ZNF397: variants seen among roughly 807,000 people sequenced by gnomAD.
ZNF397 encodes zinc finger protein 397, also known as zinc finger and SCAN domain-containing protein 15.
ZNF397 carries 38 observed loss-of-function variants against 50.6 expected under a neutral mutation model. That is an observed-to-expected ratio of 0.75 (90% confidence interval 0.58 to 0.98). ZNF397 has a LOEUF of 0.98. Ranked by LOEUF, ZNF397 falls within the 50% of genes least tolerant of loss-of-function variation. The probability of loss-of-function intolerance (pLI) is 0.00; values close to 1 mark genes in which losing one functional copy is unlikely to be tolerated. For missense variants in ZNF397, 624 were observed against 624.1 expected, an observed-to-expected ratio of 1.00 and a Z score of 0.00; for synonymous variants, 228 against 215.2, an observed-to-expected ratio of 1.06 and a Z score of -0.52.
chr18:35,246,616 T>TA lies in ZNF397; in HGVS notation c.*307dup, dbSNP rs1438181649. ...ATTTTGTATGAAAGTGTCATGAATATAGCAACCCAGGCTCTGTCACTGCAT... is the reference window on the plus strand; with the variant it reads ...ATTTTGTATGAAAGTGTCATGAATATAAGCAACCCAGGCTCTGTCACTGCAT... On this transcript the variant is annotated 3_prime_UTR_variant, in exon 4 of 4. Coordinates refer to ENST00000330501, the MANE Select transcript of ZNF397 (RefSeq NM_001135178.3). 9.1e-7 allele frequency: 1 copy of TA among 1,104,370 alleles called. No homozygotes were observed. Among genetic ancestry groups the TA allele is most frequent in the Admixed American group, 4.7e-5 (1 of 21,358 alleles). The allele number at this position is 1,104,370 out of a possible 1,614,324, so 68.4% of individuals were successfully genotyped here. A position where few individuals can be genotyped will look rare whatever the true frequency, so the allele number is the denominator to read the frequency against.
intron 1 of ZNF397, 83 bp from the exon 2 acceptor site, chr18:35,242,308 T>C (rs1036709973): frequency 9.7e-6 from 6 of 620,812 alleles, no homozygotes; most frequent in Non-Finnish European, 1.6e-5. Flanking sequence ...TTCAATATAT[T>C]ACTAAAGTTA....
downstream of ZNF397, chr18:35,253,686 C>G: frequency 1.2e-6 from 2 of 1,614,122 alleles, no homozygotes; most frequent in South Asian, 2.2e-5. Flanking sequence ...TTACCACATG[C>G]AATACATTCA....
At chr18:35,253,354 G>A, downstream of ZNF397, 1 of 976,924 alleles carries the variant, frequency 1.0e-6, no homozygotes, top group East Asian at 2.5e-5. Context: ...GGGAAGGACA[G>A]AAGTTCTGCT....
At chr18:35,255,613 G>A (rs1414418241) in intron 5 of ZNF397, among the ~76,000 whole-genome samples, 1 of 152,086 alleles carries the variant, frequency 6.6e-6, no homozygotes, top group Admixed American at 6.5e-5. Flanking sequence ...TTTGGCTTTG[G>A]AAAAGCATTA....
rs1397965234 is a variant in ZNF397 at position 35,249,741 on chromosome 18, AAAC to A, written c.*3434_*3436del. 3.3e-5 allele frequency: 5 copies of A among 152,110 alleles called. No homozygotes were observed. Among genetic ancestry groups the A allele is most frequent in the African/African-American group, 4.8e-5 (2 of 41,424 alleles). The allele number at this position is 152,110 out of a possible 1,614,324, so 9.4% of individuals were successfully genotyped here. A position where few individuals can be genotyped will look rare whatever the true frequency, so the allele number is the denominator to read the frequency against. On this transcript the variant is annotated 3_prime_UTR_variant, in exon 4 of 4. Transcript: ENST00000330501. ...TATATTGTTAAGTAAAAATATTACA[AAAC>A]AATATGTACAGTATGATCCTATGTA...
downstream of ZNF397, chr18:35,252,172 T>C (rs2043621799): frequency 6.6e-6 from 1 of 152,170 alleles, no homozygotes; most frequent in South Asian, 2.1e-4. Context: ...ATCACTGAGT[T>C]GGGGAGCCTA....
chr18:35,246,414 T>C lies in ZNF397; in HGVS notation c.*104T>C. On this transcript the variant is annotated 3_prime_UTR_variant, in exon 4 of 4. Transcript: ENST00000330501. The stretch of plus-strand genomic sequence containing the variant: ...AAACTCCATAAAGGTTATAAAATAC[T>C]AGGTCTTGAGTCTAGCTTGCTTTGT... 6.9e-7 allele frequency: 1 copy of C among 1,457,034 alleles called. No homozygotes were observed. The highest frequency in any genetic ancestry group is 9.0e-7 in the Non-Finnish European group (1 of 1,106,812). The allele number at this position is 1,457,034 out of a possible 1,614,324, so 90.3% of individuals were successfully genotyped here.
rs1220167956 is a variant in ZNF397, at chr18:35,246,394, C to T, written c.*84C>T. 2.7e-6 allele frequency: 4 copies of T among 1,460,756 alleles called. No homozygotes were observed. The highest frequency in any genetic ancestry group is 3.6e-6 in the Non-Finnish European group (4 of 1,107,964). 90.5% of individuals were successfully genotyped at this position (1,460,756 alleles called of 1,614,324 possible). On this transcript the variant is annotated 3_prime_UTR_variant, in exon 4 of 4. Transcript: ENST00000330501. ...AAAGAGTTTACTTTGGAGCAAAACT[C>T]CATAAAGGTTATAAAATACTAGGTC...
chr18:35,258,296 T>G, exon 6 of ZNF397: 1 of 322,484 alleles, frequency 3.1e-6, no homozygotes, highest in Non-Finnish European at 5.8e-6. Context: ...TCCAAGGACA[T>G]TGGAGAGATA....
In ZNF397 at chr18:35,241,089, T is replaced by G. The variant is rs1406548179; in HGVS notation, c.-101T>G. 1 of 152,358 alleles carries G rather than the reference T, an allele frequency of 6.6e-6. No homozygotes were observed. Among genetic ancestry groups the G allele is most frequent in the Non-Finnish European group, 1.5e-5 (1 of 68,192 alleles). The allele number at this position is 152,358 out of a possible 1,614,324, so 9.4% of individuals were successfully genotyped here. A position where few individuals can be genotyped will look rare whatever the true frequency, so the allele number is the denominator to read the frequency against. ...AGCTCGGGGTGGGTGGCTCATTTCC[T>G]GGCCGCTCCTGGGCTTCGCGGTGAG... is the stretch of plus-strand genomic sequence containing the variant. On this transcript the variant is annotated 5_prime_UTR_variant, in exon 1 of 4. Transcript: ENST00000330501.
At position 35,245,374 on chromosome 18, in the gene ZNF397, G is replaced by A. The variant is rs1012157639; in HGVS notation, c.669G>A (p.Val223=). ...TTAGTGAGCATGAAAGCAATTTAGT[G>A]TGGAAGCAAGGAAGTGCTACAGGGG... ...RGISEHESNL[V]WKQGSATGEK... Residue 223 remains valine, a synonymous_variant, in exon 4 of 4, where the codon GTG becomes GTA. Coordinates refer to ENST00000330501, the MANE Select transcript of ZNF397 (RefSeq NM_001135178.3). 1.2e-6 allele frequency: 2 copies of A among 1,608,328 alleles called. No individual in the cohort carries two copies. The highest frequency in any genetic ancestry group is 1.7e-6 in the Non-Finnish European group (2 of 1,176,944).
intron 5 of ZNF397, chr18:35,255,696 C>T (rs1037900992): frequency 1.9e-5 from 3 of 154,244 alleles, no homozygotes; most frequent in Non-Finnish European, 2.9e-5. Context: ...AATAAAGCAC[C>T]ACAATTGATA....
chr18:35,247,452 C>T lies in ZNF397; in HGVS notation c.*1142C>T, dbSNP rs1453437696. 6.6e-6 allele frequency: 1 copy of T among 152,198 alleles called. No individual in the cohort carries two copies. 9.4% of individuals were successfully genotyped at this position (152,198 alleles called of 1,614,324 possible). A position where few individuals can be genotyped will look rare whatever the true frequency, so the allele number is the denominator to read the frequency against. Reference sequence around the variant, plus strand: ...TTTGATTCTAAAGACAATATCAGAGCTGCTGTCAGGTTTCTTAAAATTCCC... The same window carrying T: ...TTTGATTCTAAAGACAATATCAGAGTTGCTGTCAGGTTTCTTAAAATTCCC... On this transcript the variant is annotated 3_prime_UTR_variant, in exon 4 of 4. Transcript: ENST00000330501.
intron 5 of ZNF397, chr18:35,257,058 G>C (rs961980818): frequency 1.3e-5 from 2 of 152,238 alleles, no homozygotes; most frequent in Non-Finnish European, 2.9e-5. Context: ...CTACAGGCAC[G>C]AGCCACCACA....
At chr18:35,257,787 A>G (rs538995192) in intron 5 of ZNF397, 1 of 731,616 alleles carries the variant, frequency 1.4e-6, no homozygotes, top group Non-Finnish European at 2.5e-6. Flanking sequence ...CTGCGTCAAG[A>G]AGAGACAACT....
chr18:35,244,749 G>A (rs553893068), intron 3 of ZNF397, among the ~76,000 whole-genome samples: 1 of 150,418 alleles, frequency 6.6e-6, no homozygotes, highest in East Asian at 2.0e-4. Context: ...TAGTATCAGT[G>A]GAAGTAGGGG....
intron 5 of ZNF397, chr18:35,255,732 G>A (rs1046147949): frequency 4.5e-5 from 7 of 154,390 alleles, no homozygotes; most frequent in Admixed American, 1.3e-4. Context: ...GGGTTGTCTG[G>A]CTTCCCGTTT....
chr18:35,253,445 CAGAGTT>C (rs1387603213), downstream of ZNF397: 4 of 1,551,862 alleles, frequency 2.6e-6, no homozygotes, highest in Non-Finnish European at 3.5e-6. Flanking sequence ...CTCTTACCCA[CAGAGTT>C]AAACTCTGGT....
In ZNF397 at chr18:35,245,343, G is replaced by A. The variant is rs1411331869; in HGVS notation, c.638G>A (p.Arg213Gln). ...SQGLPQEPSFRGISEHESNLV... is the reference protein window; with the variant it reads ...SQGLPQEPSFQGISEHESNLV... ...GGACTCCCTCAGGAACCTTCATTTC[G>A]AGGAATTAGTGAGCATGAAAGCAAT... is the stretch of plus-strand genomic sequence containing the variant. The change falls in exon 4 of 4, where the codon CGA becomes CAA. Residue 213 changes from arginine (R) to glutamine (Q), a missense_variant. Coordinates refer to ENST00000330501, the MANE Select transcript of ZNF397 (RefSeq NM_001135178.3). 23 of 1,612,634 alleles carry A rather than the reference G, an allele frequency of 1.4e-5. No homozygotes were observed. The highest frequency in any genetic ancestry group is 1.6e-4 in the Middle Eastern group (1 of 6,084).
Sources: allele counts gnomAD v4.1 joint callset (sites outside exome capture counted in the v4.1 genomes callset), GRCh38; gene constraint gnomAD v4.1.1; transcripts MANE v1.5; gene names NCBI Gene and HGNC (gene_info 2026-07-23, HGNC 2026-07-21).